FAM240C: variants seen among roughly 807,000 people sequenced by gnomAD.
FAM240C encodes the protein family with sequence similarity 240 member C, also known as protein FAM240C.
A neutral mutation model predicts 10.0 loss-of-function variants in FAM240C; 14 were observed. That is an observed-to-expected ratio of 1.40 (90% CI 0.92 to 2.19). FAM240C has a LOEUF of 2.19. FAM240C is among the 30% of genes most tolerant of loss of function. FAM240C has a pLI of 0.00. For synonymous variants in FAM240C, 49 were observed against 44.3 expected (o/e 1.11, Z -0.42); for missense variants, 154 against 122.3 (o/e 1.26, Z -1.22).
chr2:241,897,670 G>T (rs751749582), intron 1 of FAM240C, among the ~76,000 whole-genome samples: 2 of 152,232 alleles, frequency 1.3e-5, no homozygotes, highest in Non-Finnish European at 2.9e-5. Flanking sequence ...TAGTGTGGGT[G>T]ATCTGCAGTC....
At chr2:241,895,142 C>A (rs1244534276) in intron 2 of FAM240C, among the ~76,000 whole-genome samples, 1 of 152,252 alleles carries the variant, frequency 6.6e-6, no homozygotes, top group Non-Finnish European at 1.5e-5. Flanking sequence ...TGCTGAGTGG[C>A]AGGCAGTGTA....
chr2:241,898,387 A>T (rs929940191), intron 1 of FAM240C, among the ~76,000 whole-genome samples: 8 of 152,084 alleles, frequency 5.3e-5, no homozygotes. Flanking sequence ...CCCTGTCTCT[A>T]CTAAAAATAC....
chr2:241,901,077 C>T (rs984878472), upstream of FAM240C, among the ~76,000 whole-genome samples: 3 of 152,096 alleles, frequency 2.0e-5, no homozygotes, highest in Admixed American at 6.5e-5. This position sits in a 1 kb window ranked among gnomAD's most constrained non-coding sequence, Gnocchi z 4.9. Context: ...CGAGCAGGAG[C>T]GATTCCTCCT....
At chr2:241,896,519 G>T (rs1701811461) in intron 2 of FAM240C, among the ~76,000 whole-genome samples, 1 of 133,960 alleles carries the variant, frequency 7.5e-6, no homozygotes, top group Non-Finnish European at 1.7e-5. Flanking sequence ...GTGGGTGTTG[G>T]GGTGTGGGTG....
Position 241,900,220 on chromosome 2 carries a change from A to T in FAM240C, c.12+138T>A, listed in dbSNP as rs184512256. 26 of 644,314 alleles carry T rather than the reference A, an allele frequency of 4.0e-5. No homozygotes were observed. The highest frequency in any genetic ancestry group is 3.2e-4 in the African/African-American group (18 of 55,496). 39.9% of individuals were successfully genotyped at this position (644,314 alleles called of 1,614,324 possible). ...GTGGGAAAACAAAATTACAAAGTTC[A>T]GTTCCCCCAGCGAAATGCGGGTGGG... On this transcript the variant is annotated intron_variant, in intron 1 of 2. Coordinates refer to ENST00000404031, the MANE Select transcript of FAM240C (RefSeq NM_001382368.1). This position sits in a 1 kb window ranked among gnomAD's most constrained non-coding sequence, Gnocchi z 4.5.
At chr2:241,897,443 G>A (rs1701879536) in intron 1 of FAM240C, 109 bp from the exon 2 acceptor site, 3 of 1,334,242 alleles carry the variant, frequency 2.2e-6, no homozygotes, top group East Asian at 2.5e-5. Flanking sequence ...CTGCAGCATC[G>A]TGGTCCCCGC....
At chr2:241,898,827 G>A (rs562812635) in intron 1 of FAM240C, among the ~76,000 whole-genome samples, 6 of 152,294 alleles carry the variant, frequency 3.9e-5, no homozygotes, top group South Asian at 2.1e-4. Context: ...GGTGGGTCTC[G>A]GAATGAATGA....
chr2:241,899,118 C>T, intron 1 of FAM240C: 1 of 1,303,916 alleles, frequency 7.7e-7, no homozygotes, highest in Non-Finnish European at 1.0e-6. Flanking sequence ...ACATCACCTG[C>T]TTCAGGTGGA....
At chr2:241,896,685 A>T (rs113903640) in intron 2 of FAM240C, among the ~76,000 whole-genome samples, 182 of 2,080 alleles carry the variant, frequency 0.087, 1 homozygote, top group African/African-American at 0.14. Context: ...GTGTGGGTGA[A>T]GGGGTGTGGG....
chr2:241,896,656 A>T (rs576371558), intron 2 of FAM240C, among the ~76,000 whole-genome samples: 483 of 3,680 alleles, frequency 0.13, 19 homozygotes, highest in East Asian at 0.31. Context: ...GGTGTGGGTG[A>T]AGGGGTGTGG....
chr2:241,894,084 C>T lies in FAM240C; in HGVS notation c.*129G>A. On this transcript the variant is annotated 3_prime_UTR_variant, in exon 3 of 3. Transcript: ENST00000404031. Reference sequence around the variant, plus strand: ...CCCCGAGGTGGGATTATTACGGGGTCAGCGAGGTGCGGGCCATTTCCATGA... The same window carrying T: ...CCCCGAGGTGGGATTATTACGGGGTTAGCGAGGTGCGGGCCATTTCCATGA... 1 of 1,097,228 alleles carries T rather than the reference C, an allele frequency of 9.1e-7. No homozygotes were observed. Among genetic ancestry groups the T allele is most frequent in the Non-Finnish European group, 1.3e-6 (1 of 785,918 alleles). 68.0% of individuals were successfully genotyped at this position (1,097,228 alleles called of 1,614,324 possible). A position where few individuals can be genotyped will look rare whatever the true frequency, so the allele number is the denominator to read the frequency against.
At chr2:241,896,284 G>A (rs1370915304) in intron 2 of FAM240C, among the ~76,000 whole-genome samples, 1 of 152,212 alleles carries the variant, frequency 6.6e-6, no homozygotes, top group African/African-American at 2.4e-5. Flanking sequence ...AGCACCCATA[G>A]ACCCCTGGCC....
chr2:241,901,934 C>T (rs1701992374), upstream of FAM240C, among the ~76,000 whole-genome samples: 1 of 152,232 alleles, frequency 6.6e-6, no homozygotes, highest in Non-Finnish European at 1.5e-5. The surrounding 1 kb of genome is among the most constrained non-coding windows in gnomAD (Gnocchi z 4.9). Context: ...CTTGTCCTTC[C>T]AGGCCCCTTC....
rs1313913602 is a variant in FAM240C at position 241,894,407 on chromosome 2, GTC to G, written c.162-70_162-69del. 5.4e-6 allele frequency: 8 copies of G among 1,491,564 alleles called. No individual in the cohort carries two copies. The African/African-American group carries it at 8.3e-5, about 15-fold the overall frequency. The allele number at this position is 1,491,564 out of a possible 1,614,324, so 92.4% of individuals were successfully genotyped here. A position where few individuals can be genotyped will look rare whatever the true frequency, so the allele number is the denominator to read the frequency against. On this transcript the variant is annotated intron_variant, in intron 2 of 2. Transcript: ENST00000404031. ...GGAACTTAGTGACGGCCAAGCCCGT[GTC>G]TCTCAGCACCTGGGCACCTGTGAGA...
upstream of FAM240C, among the ~76,000 whole-genome samples, chr2:241,901,733 G>A (rs1438765321): frequency 1.3e-5 from 2 of 152,204 alleles, no homozygotes; most frequent in Non-Finnish European, 2.9e-5. The surrounding 1 kb of genome is among the most constrained non-coding windows in gnomAD (Gnocchi z 4.9). Context: ...GTGCAGCACC[G>A]ATGGGAGGAA....
At chr2:241,901,886 A>G (rs1193232509), upstream of FAM240C, among the ~76,000 whole-genome samples, 2 of 152,016 alleles carry the variant, frequency 1.3e-5, no homozygotes, top group Non-Finnish European at 2.9e-5. This position sits in a 1 kb window ranked among gnomAD's most constrained non-coding sequence, Gnocchi z 4.9. Flanking sequence ...GAGAGGCCAA[A>G]CCAACCAGCA....
chr2:241,899,403 C>G, intron 1 of FAM240C: 1 of 926,192 alleles, frequency 1.1e-6, no homozygotes. Context: ...TCAGCCACGC[C>G]TGCCTGTGCT....
In FAM240C at chr2:241,897,241, G is replaced by T. The variant is rs1171709743; in HGVS notation, c.106C>A (p.His36Asn). The T allele has an allele frequency of 1.9e-6, 3 of 1,549,844 alleles. No individual in the cohort carries two copies. ...TCCTCGTTCTGCAGGTGTCTTGCGTGATGCTCGATTTTTTTCTCCCAAAAC... is the reference window on the plus strand; with the variant it reads ...TCCTCGTTCTGCAGGTGTCTTGCGTTATGCTCGATTTTTTTCTCCCAAAAC... ...KMFWEKKIEH[H>N]ARHLQNEDIR... Residue 36 changes from histidine to asparagine, a missense_variant, in exon 2 of 3, where the codon CAC becomes AAC. Coordinates refer to ENST00000404031, the MANE Select transcript of FAM240C (RefSeq NM_001382368.1).
At chr2:241,899,850 G>A (rs1311002203) in intron 1 of FAM240C, among the ~76,000 whole-genome samples, 1 of 152,108 alleles carries the variant, frequency 6.6e-6, no homozygotes, top group Non-Finnish European at 1.5e-5. Flanking sequence ...GGCGGATCAC[G>A]AGGTCAGGAG....
Sources: allele counts gnomAD v4.1 joint callset (sites outside exome capture counted in the v4.1 genomes callset), GRCh38; gene constraint gnomAD v4.1.1; non-coding constraint Gnocchi (gnomAD v3.1); transcripts MANE v1.5; gene names NCBI Gene and HGNC (gene_info 2026-07-23, HGNC 2026-07-21).